SEMA4D: variants seen among roughly 807,000 people sequenced by gnomAD.
The protein encoded by SEMA4D is semaphorin-4D.
In SEMA4D, 22 loss-of-function variants were observed where a neutral mutation model predicts 74.8. The ratio of observed to expected loss-of-function variants is 0.29; its 90% CI spans 0.21 to 0.42. The LOEUF is 0.42. Ranked by LOEUF, SEMA4D falls within the 10% of genes least tolerant of loss-of-function variation. The pLI is 1.00. For missense variants in SEMA4D, 937 were observed against 1,118.4 expected, an observed-to-expected ratio of 0.84 and a Z score of 2.31; for synonymous variants, 445 against 463.7, an observed-to-expected ratio of 0.96 and a Z score of 0.52.
rs1264104727 is a variant in SEMA4D, at chr9:89,461,723, G to A, written c.-309-5770C>T. Reference sequence around the variant, plus strand: ...CTCTTTTTTTTTTTTTTTTTTTGGAGACAGAGTCTCGCTCTCCCTCCCAGG... The same window carrying A: ...CTCTTTTTTTTTTTTTTTTTTTGGAAACAGAGTCTCGCTCTCCCTCCCAGG... On this transcript the variant is annotated intron_variant, in intron 1 of 15. Transcript: ENST00000422704. Among the ~76,000 whole-genome samples, 15 of 39,028 alleles carry A rather than the reference G, an allele frequency of 3.8e-4. 2 individuals carry two copies. In the South Asian group the frequency reaches 0.018, roughly 47 times the overall value. 25.6% of individuals were successfully genotyped at this position (39,028 alleles called of 152,430 possible). A position where few individuals can be genotyped will look rare whatever the true frequency, so the allele number is the denominator to read the frequency against.
intron 2 of SEMA4D, among the ~76,000 whole-genome samples, chr9:89,417,881 AC>A (rs1846066336): frequency 6.6e-6 from 1 of 152,140 alleles, no homozygotes; most frequent in Non-Finnish European, 1.5e-5. Context: ...GGTGCCCAGC[AC>A]CCACCTCCCC....
In SEMA4D at chr9:89,413,841, TGCATCTGTGTGC is replaced by T. The variant is rs559440539; in HGVS notation, c.-243-8154_-243-8143del. On this transcript the variant is annotated intron_variant, in intron 2 of 15. Transcript: ENST00000422704. ...ACAGCTATATGTGCACATACGTGCA[TGCATCTGTGTGC>T]GCATCTGTGTATGTGTACGCAGACA... Among the ~76,000 whole-genome samples the T allele has an allele frequency of 2.9e-4, 44 of 152,376 alleles. No individual in the cohort carries two copies. In the East Asian group the frequency reaches 5.6e-3, roughly 19 times the overall value.
intron 4 of SEMA4D, among the ~76,000 whole-genome samples, chr9:89,400,906 T>C (rs1055591638): frequency 3.9e-5 from 6 of 152,264 alleles, no homozygotes; most frequent in African/African-American, 1.4e-4. Flanking sequence ...ACAAACACAC[T>C]GTCCACAATT....
At chr9:89,496,098 C>T (rs1199513772) in intron 1 of SEMA4D, among the ~76,000 whole-genome samples, 2 of 152,178 alleles carry the variant, frequency 1.3e-5, no homozygotes, top group African/African-American at 2.4e-5. Flanking sequence ...TCACCAAGGA[C>T]ATCTCCCTGG....
chr9:89,463,779 T>C (rs4877095), intron 1 of SEMA4D, among the ~76,000 whole-genome samples: 151,616 of 152,232 alleles, frequency 1, 75,525 homozygotes, highest in Middle Eastern at 1. Context: ...ACTAAAAATA[T>C]AAAAATTAGC....
chr9:89,461,952 C>T (rs959086424), intron 1 of SEMA4D, among the ~76,000 whole-genome samples: 1 of 152,112 alleles, frequency 6.6e-6, no homozygotes, highest in Non-Finnish European at 1.5e-5. Flanking sequence ...CTGCCCACCT[C>T]GGCCTCCCAA....
At chr9:89,387,294 A>G in intron 12 of SEMA4D, 92 bp downstream of exon 12, 5 of 1,107,312 alleles carry the variant, frequency 4.5e-6, no homozygotes, top group Non-Finnish European at 6.5e-6. Flanking sequence ...CAATGGAACT[A>G]CTCACGAAAG....
intron 2 of SEMA4D, among the ~76,000 whole-genome samples, chr9:89,408,830 C>A (rs1843872776): frequency 6.6e-6 from 1 of 152,210 alleles, no homozygotes; most frequent in African/African-American, 2.4e-5. Context: ...GACCCAGGTC[C>A]CAGCCAGTGC....
At chr9:89,404,451 C>T (rs1047712224) in intron 3 of SEMA4D, among the ~76,000 whole-genome samples, 11 of 152,304 alleles carry the variant, frequency 7.2e-5, no homozygotes, top group African/African-American at 2.6e-4. Flanking sequence ...GGCCTGTCTG[C>T]TCAGACAAAA....
chr9:89,458,037 A>AAACAAAC (rs1356304497), intron 1 of SEMA4D, among the ~76,000 whole-genome samples: 2 of 152,206 alleles, frequency 1.3e-5, no homozygotes, highest in Non-Finnish European at 2.9e-5. Flanking sequence ...GGTCTCAAAC[A>AAACAAAC]AACAAACAAC....
chr9:89,434,838 T>C (rs1338557573), intron 2 of SEMA4D, among the ~76,000 whole-genome samples: 1 of 152,038 alleles, frequency 6.6e-6, no homozygotes, highest in Non-Finnish European at 1.5e-5. Flanking sequence ...TCAGGGAATG[T>C]AGAGGGGAGG....
At chr9:89,462,481 TTTTCCCTGTGGCATACCCAC>T (rs1275750924) in intron 1 of SEMA4D, among the ~76,000 whole-genome samples, 1 of 152,204 alleles carries the variant, frequency 6.6e-6, no homozygotes, top group Non-Finnish European at 1.5e-5. Context: ...GTGGAAATGT[TTTTCCCTGTGGCATACCCAC>T]TTAAGGAGAG....
At chr9:89,472,311 G>C (rs1182644546) in intron 1 of SEMA4D, 1 of 434,104 alleles carries the variant, frequency 2.3e-6, no homozygotes, top group Non-Finnish European at 4.5e-6. Context: ...ATGAAGGCCA[G>C]AAAGGAGGAG....
At chr9:89,469,777 T>C (rs1479390802) in intron 1 of SEMA4D, among the ~76,000 whole-genome samples, 1 of 152,218 alleles carries the variant, frequency 6.6e-6, no homozygotes, top group Non-Finnish European at 1.5e-5. Context: ...ACAAAGGGCA[T>C]CTATGGAAAA....
chr9:89,469,753 ACT>A (rs1287395135), intron 1 of SEMA4D, among the ~76,000 whole-genome samples: 1 of 152,208 alleles, frequency 6.6e-6, no homozygotes, highest in Non-Finnish European at 1.5e-5. Context: ...CTAGAAGGGA[ACT>A]CTCTCAGCCT....
Position 89,472,529 on chromosome 9 carries a change from GAC to G in SEMA4D, c.-309-16578_-309-16577del, listed in dbSNP as rs1260785412. The G allele has an allele frequency of 1.2e-5, 3 of 260,134 alleles. No individual in the cohort carries two copies. In the Admixed American group the frequency reaches 1.3e-4, roughly 11 times the overall value. 16.1% of individuals were successfully genotyped at this position (260,134 alleles called of 1,614,324 possible). On this transcript the variant is annotated intron_variant, in intron 1 of 15. Transcript: ENST00000422704. ...TTTGAGTGGAGTTAACAGTCCTAAC[GAC>G]ATGGTGGACCCAAGAGCCAAATCAC...
chr9:89,370,849 C>CGT (rs924316118), intron 16 of SEMA4D, among the ~76,000 whole-genome samples: 1 of 59,092 alleles, frequency 1.7e-5, no homozygotes, highest in Non-Finnish European at 3.4e-5. Flanking sequence ...GTGTGTCGGG[C>CGT]GTGTGTGTGT....
rs551401805 is a variant in SEMA4D at position 89,455,217 on chromosome 9, G to C, written c.-244+671C>G. On this transcript the variant is annotated intron_variant, in intron 2 of 15. Coordinates refer to ENST00000422704, the MANE Select transcript of SEMA4D (RefSeq NM_001371194.2). ...TGCTGTCTGTGACAGGGCCCGTGTG[G>C]CCTGATGCTCTGAAATTTCAGACAA... is the stretch of plus-strand genomic sequence containing the variant. Among the ~76,000 whole-genome samples, 17 of 152,368 alleles carry C rather than the reference G, an allele frequency of 1.1e-4. No homozygotes were observed. In the South Asian group the frequency reaches 3.5e-3, roughly 32 times the overall value.
At chr9:89,469,792 C>T (rs79101859) in intron 1 of SEMA4D, among the ~76,000 whole-genome samples, 1 of 152,244 alleles carries the variant, frequency 6.6e-6, no homozygotes, top group Non-Finnish European at 1.5e-5. Context: ...GGAAAACTCA[C>T]AGCTAACATC....
Sources: allele counts gnomAD v4.1 joint callset (sites outside exome capture counted in the v4.1 genomes callset), GRCh38; gene constraint gnomAD v4.1.1; transcripts MANE v1.5; gene names NCBI Gene and HGNC (gene_info 2026-07-23, HGNC 2026-07-21).